The following CPVL variants were observed in gnomAD, a reference collection of about 807,000 sequenced individuals.
CPVL encodes the protein probable serine carboxypeptidase CPVL.
In CPVL, 51 loss-of-function variants were observed where a neutral mutation model predicts 63.7. That is an observed-to-expected ratio of 0.80 (90% CI 0.64 to 1.01). CPVL has a LOEUF of 1.01. Among genes scored for constraint, CPVL ranks in the 50% least tolerant of loss-of-function variants. The pLI, the probability that CPVL is intolerant of heterozygous loss-of-function variation, is 0.00. For synonymous variants in CPVL, 195 were observed against 206.0 expected (o/e 0.95, Z 0.46); for missense variants, 530 against 573.1 (o/e 0.92, Z 0.77).
intron 1 of CPVL, chr7:29,194,741 A>G: frequency 2.2e-6 from 1 of 448,802 alleles, no homozygotes; most frequent in South Asian, 5.9e-5. Context: ...GACGGAAACC[A>G]CAAATAAATA....
At chr7:29,092,806 G>A (rs1442102047) in intron 5 of CPVL, 104 bp from the exon 6 acceptor site, 3 of 826,040 alleles carry the variant, frequency 3.6e-6, no homozygotes, top group Non-Finnish European at 6.1e-6. Flanking sequence ...CAAAGGCCAA[G>A]CTCAGACTTC....
At chr7:29,104,179 G>A (rs1406544637) in intron 3 of CPVL, among the ~76,000 whole-genome samples, 2 of 152,192 alleles carry the variant, frequency 1.3e-5, no homozygotes, top group African/African-American at 4.8e-5. Context: ...CAAGTGGTTG[G>A]TGTTGACTAC....
intron 7 of CPVL, among the ~76,000 whole-genome samples, chr7:29,080,992 T>TC (rs1407651098): frequency 3.9e-5 from 6 of 152,194 alleles, no homozygotes; most frequent in Admixed American, 3.9e-4. Flanking sequence ...AGCGTTCCCA[T>TC]CCACTGCCAC....
At position 29,120,881 on chromosome 7, in the gene CPVL, A is replaced by C; in HGVS notation, c.169+12T>G. The C allele has an allele frequency of 6.2e-7, 1 of 1,605,586 alleles. No homozygotes were observed. The highest frequency in any genetic ancestry group is 8.5e-7 in the Non-Finnish European group (1 of 1,175,862). ...ATGCCAGTGGTTTTCTGATTTAATT[A>C]AACTTACTTACCTTTTTGGATCTTC... is the stretch of plus-strand genomic sequence containing the variant. On this transcript the variant is annotated intron_variant, in intron 2 of 12. Coordinates refer to ENST00000265394, the MANE Select transcript of CPVL (RefSeq NM_031311.5).
intron 3 of CPVL, among the ~76,000 whole-genome samples, chr7:29,105,390 G>C (rs898802759): frequency 7.2e-5 from 11 of 152,230 alleles, no homozygotes; most frequent in African/African-American, 2.7e-4. Context: ...ACTTGGCCGA[G>C]TGCCTGGAGA....
intron 7 of CPVL, among the ~76,000 whole-genome samples, chr7:29,075,241 T>TA (rs758159491): frequency 2.6e-5 from 4 of 152,156 alleles, no homozygotes; most frequent in Non-Finnish European, 5.9e-5. Context: ...CCATCATGTG[T>TA]ATCTGGGTAT....
At chr7:29,190,762 C>T (rs765542437) in intron 1 of CPVL, among the ~76,000 whole-genome samples, 1 of 152,176 alleles carries the variant, frequency 6.6e-6, no homozygotes, top group Non-Finnish European at 1.5e-5. Flanking sequence ...TCAGTGGTCA[C>T]AGCTACTAAC....
At chr7:29,138,675 T>C (rs1394318833) in intron 1 of CPVL, among the ~76,000 whole-genome samples, 2 of 151,786 alleles carry the variant, frequency 1.3e-5, no homozygotes, top group Admixed American at 6.6e-5. Flanking sequence ...ATTAACAATG[T>C]TTCTATATAC....
At position 29,095,985 on chromosome 7, in the gene CPVL, TA is replaced by T. The variant is rs550769763; in HGVS notation, c.403+117del. 1.5e-3 allele frequency: 1,251 copies of T among 837,800 alleles called. 7 individuals carry two copies. The highest frequency in any genetic ancestry group is 0.015 in the African/African-American group (881 of 59,672). The allele number at this position is 837,800 out of a possible 1,614,324, so 51.9% of individuals were successfully genotyped here. A position where few individuals can be genotyped will look rare whatever the true frequency, so the allele number is the denominator to read the frequency against. Reference sequence around the variant, plus strand: ...ATATTGCCAGAAAGTTGTGTTTTGATAATCTGGAACGGTTAAGCTATTCATA... The same window carrying T: ...ATATTGCCAGAAAGTTGTGTTTTGATATCTGGAACGGTTAAGCTATTCATA... On this transcript the variant is annotated intron_variant, in intron 4 of 12. Transcript: ENST00000265394.
rs1429932525 is a variant in CPVL, at chr7:29,100,105, C to T, written c.289-3888G>A. Among the ~76,000 whole-genome samples the T allele has an allele frequency of 3.3e-5, 5 of 152,158 alleles. No individual in the cohort carries two copies. The East Asian group carries it at 5.8e-4, about 18-fold the overall frequency. On this transcript the variant is annotated intron_variant, in intron 3 of 12. Transcript: ENST00000265394. Reference sequence around the variant, plus strand: ...TTCACTCAGCAGTAGGAGCAAATTACACATATGAGAGGTAGAAAAACAATG... The same window carrying T: ...TTCACTCAGCAGTAGGAGCAAATTATACATATGAGAGGTAGAAAAACAATG...
At chr7:29,068,854 C>T (rs1783412818) in intron 9 of CPVL, among the ~76,000 whole-genome samples, 1 of 151,620 alleles carries the variant, frequency 6.6e-6, no homozygotes, top group African/African-American at 2.4e-5. Flanking sequence ...GCCACTACGC[C>T]CGGCTAACTT....
chr7:29,130,240 G>A (rs549523764), intron 1 of CPVL, among the ~76,000 whole-genome samples: 1 of 152,312 alleles, frequency 6.6e-6, no homozygotes, highest in East Asian at 1.9e-4. Context: ...AAGTTGCCTG[G>A]TAGGCGTCCA....
intron 5 of CPVL, among the ~76,000 whole-genome samples, chr7:29,166,433 C>T (rs558243040): frequency 6.6e-6 from 1 of 152,214 alleles, no homozygotes; most frequent in South Asian, 2.1e-4. Context: ...GAGAAGCCAT[C>T]TTGGCTTGAT....
Position 29,112,832 on chromosome 7 carries a change from G to GA in CPVL, c.170-11dup, listed in dbSNP as rs5883191. The GA allele has an allele frequency of 2.4e-5, 37 of 1,564,078 alleles. No homozygotes were observed. Among genetic ancestry groups the GA allele is most frequent in the African/African-American group, 8.2e-5 (6 of 73,222 alleles). On this transcript the variant is annotated splice_polypyrimidine_tract_variant and intron_variant, in intron 2 of 12. Coordinates refer to ENST00000265394, the MANE Select transcript of CPVL (RefSeq NM_031311.5). ...AAACTCAATTCTCTTCCTAGTGGGG[G>GA]AAAAAAAATTTACCCAAGGATTACA...
chr7:29,124,466 A>G (rs557337104), intron 1 of CPVL, among the ~76,000 whole-genome samples: 1 of 152,300 alleles, frequency 6.6e-6, no homozygotes, highest in Admixed American at 6.5e-5. Flanking sequence ...CTAAAGGTCA[A>G]AAGTATATAA....
At chr7:29,009,805 C>T (rs1209474479) in intron 12 of CPVL, 1 of 152,008 alleles carries the variant, frequency 6.6e-6, no homozygotes, top group Admixed American at 6.6e-5. Context: ...TTAGGAAGGG[C>T]AATGTCGTAT....
rs1245587508 is a variant in CPVL at position 29,071,781 on chromosome 7, C to T, written c.856G>A (p.Ala286Thr). The change falls in exon 9 of 13, where the codon GCC becomes ACC. Residue 286 changes from alanine to threonine, a missense_variant. Coordinates refer to ENST00000265394, the MANE Select transcript of CPVL (RefSeq NM_031311.5). ...EHIRKQNWFE[A>T]FEILDKLLDG... The stretch of plus-strand genomic sequence containing the variant: ...GGGCCCCCAGAACTCACTTCAAAGG[C>T]CTCAAACCAGTTCTGCTTCCTGATG... The T allele has an allele frequency of 6.7e-7, 1 of 1,484,420 alleles. No individual in the cohort carries two copies. Among genetic ancestry groups the T allele is most frequent in the Non-Finnish European group, 9.1e-7 (1 of 1,099,772 alleles). 92.0% of individuals were successfully genotyped at this position (1,484,420 alleles called of 1,614,324 possible). A position where few individuals can be genotyped will look rare whatever the true frequency, so the allele number is the denominator to read the frequency against.
intron 5 of CPVL, among the ~76,000 whole-genome samples, chr7:29,159,047 C>A (rs1040231097): frequency 6.6e-6 from 1 of 152,172 alleles, no homozygotes; most frequent in Non-Finnish European, 1.5e-5. Context: ...AAAATTAAAA[C>A]CTAGCCACCC....
At chr7:29,070,848 G>A (rs149959146) in intron 9 of CPVL, among the ~76,000 whole-genome samples, 1,995 of 152,288 alleles carry the variant, frequency 0.013, 23 homozygotes, top group Admixed American at 0.023. Context: ...CTCCAAGGTT[G>A]CATGTCTCCT....
Sources: gnomAD v4.1 joint callset for allele counts (sites outside exome capture counted in the v4.1 genomes callset) on GRCh38, gnomAD v4.1.1 for gene constraint, MANE v1.5 for transcripts, NCBI Gene and HGNC (gene_info 2026-07-23, HGNC 2026-07-21) for gene names.